The following MCM9 variants were observed in gnomAD, a reference collection of about 807,000 sequenced individuals.
MCM9 encodes minichromosome maintenance 9 homologous recombination repair factor.
Under a neutral mutation model 72.8 loss-of-function variants are expected in MCM9, and 55 were observed. The observed-to-expected ratio is 0.76, with a 90% CI of 0.61 to 0.95. MCM9 has a LOEUF of 0.95. Ranked by LOEUF, MCM9 falls within the 40% of genes least tolerant of loss-of-function variation. The pLI is 0.00. For missense variants in MCM9, 1,279 were observed against 1,377.0 expected, an observed-to-expected ratio of 0.93 and a Z score of 1.13; for synonymous variants, 480 against 503.4, an observed-to-expected ratio of 0.95 and a Z score of 0.62.
At chr6:118,930,946 A>T (rs6918569) in intron 3 of MCM9, among the ~76,000 whole-genome samples, 1 of 152,040 alleles carries the variant, frequency 6.6e-6, no homozygotes, top group Non-Finnish European at 1.5e-5. Context: ...AACAATTAAG[A>T]TGCTTTATCT....
chr6:118,842,676 C>T (rs966291593), intron 9 of MCM9, among the ~76,000 whole-genome samples: 1 of 152,092 alleles, frequency 6.6e-6, no homozygotes, highest in African/African-American at 2.4e-5. Context: ...TGCATCACCA[C>T]GCTTTGCTAT....
At chr6:118,897,212 C>T (rs1307762188) in intron 8 of MCM9, among the ~76,000 whole-genome samples, 1 of 152,140 alleles carries the variant, frequency 6.6e-6, no homozygotes, top group Non-Finnish European at 1.5e-5. Context: ...AGTTTGGCCA[C>T]CGTTTTTCAT....
rs577875191 is a variant in MCM9, at chr6:118,821,729, C to T, written c.1961+4418G>A. 1.4e-4 allele frequency among the ~76,000 whole-genome samples: 22 copies of T among 152,186 alleles called. No homozygotes were observed. The South Asian group carries it at 4.6e-3, about 32-fold the overall frequency. On this transcript the variant is annotated intron_variant, in intron 13 of 13. Coordinates refer to ENST00000619706, the MANE Select transcript of MCM9 (RefSeq NM_017696.3). Reference sequence around the variant, plus strand: ...CCAAGTGTGTTTTCCAACTTGGTTCCATTCTCCCCATCATTTTCAGGTATA... The same window carrying T: ...CCAAGTGTGTTTTCCAACTTGGTTCTATTCTCCCCATCATTTTCAGGTATA...
chr6:118,929,183 G>A (rs1782175405), intron 3 of MCM9, among the ~76,000 whole-genome samples: 1 of 152,194 alleles, frequency 6.6e-6, no homozygotes, highest in South Asian at 2.1e-4. Context: ...TTGCATCACT[G>A]GACTCCAGCC....
rs151290821 is a variant in MCM9 at position 118,881,805 on chromosome 6, T to C, written c.1151-25260A>G. ...CAGTAAATGAAGAAACATTTATTCA[T>C]TGAAATCTAAAACTTCATAAGAATA... On this transcript the variant is annotated intron_variant, in intron 8 of 13. Transcript: ENST00000619706. 6.7e-3 allele frequency among the ~76,000 whole-genome samples: 1,024 copies of C among 152,324 alleles called. 7 individuals are homozygous for C. The highest frequency in any genetic ancestry group is 0.023 in the African/African-American group (946 of 41,576).
chr6:118,877,959 C>T (rs1425386962), intron 8 of MCM9, among the ~76,000 whole-genome samples: 1 of 152,060 alleles, frequency 6.6e-6, no homozygotes, highest in Non-Finnish European at 1.5e-5. Flanking sequence ...GCCAGGAGTT[C>T]AAGACAAGCC....
At chr6:118,873,991 A>G (rs1003732026) in intron 8 of MCM9, among the ~76,000 whole-genome samples, 2 of 152,226 alleles carry the variant, frequency 1.3e-5, no homozygotes, top group Non-Finnish European at 2.9e-5. Context: ...GTGGTGGCTC[A>G]TGCCTATAAT....
intron 8 of MCM9, among the ~76,000 whole-genome samples, 174 bp from the exon 9 acceptor site, chr6:118,856,719 T>C (rs948294958): frequency 6.6e-6 from 1 of 152,024 alleles, no homozygotes; most frequent in Admixed American, 6.6e-5. Context: ...TCTCTACAAA[T>C]AATTTAAAAA....
intron 9 of MCM9, among the ~76,000 whole-genome samples, chr6:118,829,463 A>G (rs534206257): frequency 1.3e-5 from 2 of 152,364 alleles, no homozygotes; most frequent in African/African-American, 4.8e-5. Context: ...ACCGTTCAAT[A>G]AACACTTTTT....
intron 9 of MCM9, among the ~76,000 whole-genome samples, chr6:118,843,672 A>ACG (rs1554257131): frequency 0.081 from 3,290 of 40,490 alleles, 166 homozygotes; most frequent in African/African-American, 0.13. Context: ...ATATATATGT[A>ACG]TGTATATATA....
chr6:118,863,549 C>A (rs1187425295), intron 8 of MCM9, among the ~76,000 whole-genome samples: 1 of 152,130 alleles, frequency 6.6e-6, no homozygotes, highest in Non-Finnish European at 1.5e-5. Context: ...GAATGTTTGT[C>A]CCCCTGGCCC....
intron 8 of MCM9, among the ~76,000 whole-genome samples, chr6:118,900,111 T>C (rs147976203): frequency 3.9e-5 from 6 of 152,332 alleles, no homozygotes; most frequent in African/African-American, 1.4e-4. Context: ...CTCTATTGTA[T>C]CACGTGGTGT....
At chr6:118,820,093 T>C (rs551831536) in intron 13 of MCM9, among the ~76,000 whole-genome samples, 4 of 152,316 alleles carry the variant, frequency 2.6e-5, no homozygotes, top group Non-Finnish European at 5.9e-5. Flanking sequence ...CACTGATTTT[T>C]TGAAGGGTTT....
At chr6:118,850,862 T>C (rs1776170889) in intron 9 of MCM9, among the ~76,000 whole-genome samples, 1 of 151,856 alleles carries the variant, frequency 6.6e-6, no homozygotes, top group Admixed American at 6.6e-5. Flanking sequence ...TGTCACTTTG[T>C]TGCCCAGCCT....
intron 8 of MCM9, among the ~76,000 whole-genome samples, chr6:118,884,366 T>A (rs1027018429): frequency 2.0e-5 from 3 of 151,960 alleles, no homozygotes; most frequent in Non-Finnish European, 4.4e-5. Flanking sequence ...AGTCTACATC[T>A]GAAACACTGA....
At position 118,918,601 on chromosome 6, in the gene MCM9, T is replaced by C. The variant is rs534270756; in HGVS notation, c.704-840A>G. 3 of 152,338 alleles carry C rather than the reference T, an allele frequency of 2.0e-5. No individual in the cohort carries two copies. The South Asian group carries it at 6.2e-4, about 32-fold the overall frequency. The allele number at this position is 152,338 out of a possible 1,614,324, so 9.4% of individuals were successfully genotyped here. A position where few individuals can be genotyped will look rare whatever the true frequency, so the allele number is the denominator to read the frequency against. On this transcript the variant is annotated intron_variant, in intron 5 of 13. Transcript: ENST00000619706. Reference sequence around the variant, plus strand: ...TGTTTGGCCTTCCATATTTTGGTACTGGAGAAAGTGGGCCAAAAACAAACA... The same window carrying C: ...TGTTTGGCCTTCCATATTTTGGTACCGGAGAAAGTGGGCCAAAAACAAACA...
At chr6:118,822,557 C>G (rs766663858) in intron 13 of MCM9, among the ~76,000 whole-genome samples, 2 of 152,132 alleles carry the variant, frequency 1.3e-5, no homozygotes, top group Non-Finnish European at 1.5e-5. Context: ...TCTGCTGAAC[C>G]CTGCTGGGTG....
intron 8 of MCM9, among the ~76,000 whole-genome samples, chr6:118,856,944 AG>A (rs1776595072): frequency 1.3e-5 from 2 of 152,240 alleles, no homozygotes; most frequent in South Asian, 2.1e-4. Context: ...TTTAAAGAGA[AG>A]GGCATAAAGA....
chr6:118,923,209 G>A (rs1021945733), intron 4 of MCM9, among the ~76,000 whole-genome samples: 56 of 152,080 alleles, frequency 3.7e-4, no homozygotes, highest in African/African-American at 1.3e-3. Flanking sequence ...ACTTGTTAAA[G>A]AGTGTTTACA....
Sources: allele counts gnomAD v4.1 joint callset (sites outside exome capture counted in the v4.1 genomes callset), GRCh38; gene constraint gnomAD v4.1.1; transcripts MANE v1.5; gene names NCBI Gene and HGNC (gene_info 2026-07-23, HGNC 2026-07-21).